The following GNA14 variants were observed in gnomAD, a reference collection of about 807,000 sequenced individuals.
GNA14 encodes the protein G protein subunit alpha 14, also known as guanine nucleotide-binding protein subunit alpha-14.
GNA14 carries 50 observed loss-of-function variants against 42.0 expected under a neutral mutation model. That is an observed-to-expected ratio of 1.19 (90% CI 0.95 to 1.51). The LOEUF (loss-of-function observed/expected upper bound fraction) is 1.51. Among genes scored for constraint, GNA14 ranks in the 40% most tolerant of loss-of-function variants. The pLI, the probability that GNA14 is intolerant of heterozygous loss-of-function variation, is 0.00. For synonymous variants in GNA14, 173 were observed against 163.1 expected (o/e 1.06, Z -0.46); for missense variants, 473 against 446.2 (o/e 1.06, Z -0.54).
intron 1 of GNA14, among the ~76,000 whole-genome samples, chr9:77,636,891 C>A (rs116886792): frequency 1.3e-5 from 2 of 152,136 alleles, no homozygotes; most frequent in Admixed American, 1.3e-4. Flanking sequence ...GAATTTTCAA[C>A]GAGAAGACTG....
chr9:77,482,370 G>A (rs928743753), intron 2 of GNA14, among the ~76,000 whole-genome samples: 3 of 152,166 alleles, frequency 2.0e-5, no homozygotes, highest in African/African-American at 7.2e-5. Flanking sequence ...CTTTAAGAAT[G>A]TTGAATATTG....
chr9:77,467,287 T>C (rs1836252367), intron 2 of GNA14, among the ~76,000 whole-genome samples: 1 of 151,992 alleles, frequency 6.6e-6, no homozygotes. Context: ...AGGTCATGCT[T>C]ATGCCCTTTG....
chr9:77,640,195 T>G (rs1824236225), intron 1 of GNA14, among the ~76,000 whole-genome samples: 1 of 152,244 alleles, frequency 6.6e-6, no homozygotes, highest in African/African-American at 2.4e-5. Flanking sequence ...CTAACCCAAC[T>G]GCCCTGGCAC....
Position 77,542,396 on chromosome 9 carries a change from T to C in GNA14, c.125-13143A>G, listed in dbSNP as rs532004478. Among the ~76,000 whole-genome samples, 13 of 152,308 alleles carry C rather than the reference T, an allele frequency of 8.5e-5. 1 individual carries two copies. In the East Asian group the frequency reaches 1.4e-3, roughly 16 times the overall value. On this transcript the variant is annotated intron_variant, in intron 1 of 6. Coordinates refer to ENST00000341700, the MANE Select transcript of GNA14 (RefSeq NM_004297.4). ...TTTTACTGGGGACTAAGATGCCAGA[T>C]GGCCAGTCTGCAGGCCTTAGTGGTG...
intron 1 of GNA14, among the ~76,000 whole-genome samples, chr9:77,585,482 T>C (rs1252720679): frequency 6.6e-6 from 1 of 152,186 alleles, no homozygotes; most frequent in Admixed American, 6.5e-5. Context: ...ATAACAAACC[T>C]TACCTTTCTT....
chr9:77,501,108 C>T (rs1473432979), intron 2 of GNA14, among the ~76,000 whole-genome samples: 1 of 152,158 alleles, frequency 6.6e-6, no homozygotes, highest in African/African-American at 2.4e-5. Flanking sequence ...GCATGCGCCA[C>T]CACACTCAGC....
chr9:77,517,591 T>C (rs13294248), intron 2 of GNA14: 1 of 28,920 alleles, frequency 3.5e-5, no homozygotes, highest in Admixed American at 3.3e-4. Flanking sequence ...GGTACTTTTC[T>C]TTTTTTTTTT....
At chr9:77,484,439 T>G (rs2131731199) in intron 2 of GNA14, among the ~76,000 whole-genome samples, 1 of 138,654 alleles carries the variant, frequency 7.2e-6, no homozygotes, top group East Asian at 2.2e-4. Context: ...TCATAAGTGA[T>G]AAACGATTTC....
intron 1 of GNA14, among the ~76,000 whole-genome samples, chr9:77,592,088 G>C (rs1186580303): frequency 3.9e-5 from 6 of 151,916 alleles, no homozygotes; most frequent in Admixed American, 3.9e-4. Flanking sequence ...CTAATTTTTT[G>C]TATTTTTAAT....
At chr9:77,560,437 C>T (rs140869734) in intron 1 of GNA14, among the ~76,000 whole-genome samples, 37 of 152,002 alleles carry the variant, frequency 2.4e-4, no homozygotes, top group African/African-American at 7.0e-4. Context: ...CACAGGTGCA[C>T]GACACAGGTG....
chr9:77,581,685 C>T (rs1823225886), intron 1 of GNA14, among the ~76,000 whole-genome samples: 1 of 152,192 alleles, frequency 6.6e-6, no homozygotes, highest in Admixed American at 6.5e-5. Context: ...CAAGGCAGGT[C>T]ACTGAAGTTG....
intron 1 of GNA14, among the ~76,000 whole-genome samples, chr9:77,565,802 G>A (rs760588548): frequency 4.6e-5 from 7 of 152,170 alleles, no homozygotes; most frequent in Non-Finnish European, 7.3e-5. Context: ...TGAAATTACT[G>A]ATGTGGCTAA....
chr9:77,605,272 T>C (rs1364005165), intron 1 of GNA14, among the ~76,000 whole-genome samples: 1 of 152,176 alleles, frequency 6.6e-6, no homozygotes, highest in East Asian at 1.9e-4. Context: ...GACCAATCCT[T>C]GGGTGGAAAG....
chr9:77,441,484 T>C (rs1306732494), intron 2 of GNA14, among the ~76,000 whole-genome samples: 2 of 152,224 alleles, frequency 1.3e-5, no homozygotes, highest in Non-Finnish European at 2.9e-5. Flanking sequence ...AGTATGTCTT[T>C]ATAGCAATGT....
chr9:77,580,098 G>A, intron 1 of GNA14: 1 of 165,448 alleles, frequency 6.0e-6, no homozygotes, highest in Non-Finnish European at 1.3e-5. Context: ...GTCCTGGTTT[G>A]TCTAGAACAG....
At chr9:77,582,709 G>A (rs990610509) in intron 1 of GNA14, among the ~76,000 whole-genome samples, 10 of 152,120 alleles carry the variant, frequency 6.6e-5, no homozygotes, top group South Asian at 2.1e-4. Flanking sequence ...TCCTGTCATC[G>A]GTCTGATATA....
chr9:77,472,730 G>C (rs1836352950), intron 2 of GNA14, among the ~76,000 whole-genome samples: 1 of 152,028 alleles, frequency 6.6e-6, no homozygotes, highest in African/African-American at 2.4e-5. Context: ...ATGAAGTCAT[G>C]AGAGTGGTGC....
intron 2 of GNA14, among the ~76,000 whole-genome samples, chr9:77,479,788 A>C (rs1339655963): frequency 6.6e-6 from 1 of 152,060 alleles, no homozygotes; most frequent in Non-Finnish European, 1.5e-5. Context: ...TTGGATTCCT[A>C]GGTATTTTAT....
At chr9:77,535,306 A>G (rs1370064077) in intron 1 of GNA14, among the ~76,000 whole-genome samples, 1 of 152,218 alleles carries the variant, frequency 6.6e-6, no homozygotes, top group Non-Finnish European at 1.5e-5. Context: ...TGGGAGGCGG[A>G]GGCGGAGGCG....
Sources: gnomAD v4.1 joint callset for allele counts (sites outside exome capture counted in the v4.1 genomes callset) on GRCh38, gnomAD v4.1.1 for gene constraint, MANE v1.5 for transcripts, NCBI Gene and HGNC (gene_info 2026-07-23, HGNC 2026-07-21) for gene names.